RIN2: variants seen among roughly 807,000 people sequenced by gnomAD.
The protein encoded by RIN2 is RAB5 interacting protein 2.
Under a neutral mutation model 78.0 loss-of-function variants are expected in RIN2, and 36 were observed. The observed-to-expected ratio is 0.46, with a 90% CI of 0.35 to 0.61. The LOEUF (loss-of-function observed/expected upper bound fraction) is 0.61. RIN2 is among the 20% of genes least tolerant of loss of function. RIN2 has a pLI of 0.00. For synonymous variants in RIN2, 466 were observed against 466.8 expected, an observed-to-expected ratio of 1.00 and a Z score of 0.02; for missense variants, 1,087 against 1,159.7, an observed-to-expected ratio of 0.94 and a Z score of 0.91.
intron 2 of RIN2, among the ~76,000 whole-genome samples, chr20:19,808,339 G>A (rs1415797483): frequency 1.3e-5 from 2 of 152,202 alleles, no homozygotes; most frequent in African/African-American, 2.4e-5. Flanking sequence ...AGGAGTCAGG[G>A]GAAGGGGAGT....
intron 2 of RIN2, among the ~76,000 whole-genome samples, chr20:19,819,884 GT>G (rs1377554774): frequency 2.0e-5 from 3 of 152,142 alleles, no homozygotes; most frequent in Non-Finnish European, 4.4e-5. Flanking sequence ...TGAGTGATAA[GT>G]GATCAGAGAC....
At chr20:19,910,642 C>T (rs773360274) in intron 3 of RIN2, among the ~76,000 whole-genome samples, 10 of 150,106 alleles carry the variant, frequency 6.7e-5, no homozygotes, top group Non-Finnish European at 1.2e-4. Context: ...AGTCTCGGCT[C>T]ACTGCAGCCT....
chr20:19,869,262 C>G (rs1289045042), intron 2 of RIN2, among the ~76,000 whole-genome samples: 1 of 152,122 alleles, frequency 6.6e-6, no homozygotes, highest in African/African-American at 2.4e-5. Flanking sequence ...AGAGTTTGGA[C>G]TGATGTCAGG....
intron 7 of RIN2, among the ~76,000 whole-genome samples, chr20:19,967,637 A>C (rs1366050570): frequency 6.6e-6 from 1 of 152,156 alleles, no homozygotes; most frequent in Admixed American, 6.5e-5. Flanking sequence ...TTCACCCCCA[A>C]TGCCTGGCAA....
At chr20:19,882,789 GTTTT>G (rs1295454259) in intron 2 of RIN2, among the ~76,000 whole-genome samples, 1 of 151,932 alleles carries the variant, frequency 6.6e-6, no homozygotes, top group Admixed American at 6.6e-5. Context: ...GTATACACGG[GTTTT>G]TTTCAATAAA....
intron 3 of RIN2, among the ~76,000 whole-genome samples, chr20:19,923,474 A>AAAAT (rs1356822586): frequency 2.9e-4 from 32 of 108,510 alleles, no homozygotes; most frequent in African/African-American, 9.3e-4. Flanking sequence ...TAAAATAAAT[A>AAAAT]AAATAAAATA....
At chr20:19,952,777 GCA>G (rs2041371957) in intron 4 of RIN2, among the ~76,000 whole-genome samples, 1 of 152,144 alleles carries the variant, frequency 6.6e-6, no homozygotes, top group Non-Finnish European at 1.5e-5. Context: ...ACCTGAGATG[GCA>G]GTGATAAAAT....
chr20:19,996,866 C>T, intron 12 of RIN2, 24 bp downstream of exon 12: 1 of 1,549,732 alleles, frequency 6.5e-7, no homozygotes, highest in Non-Finnish European at 8.7e-7. Flanking sequence ...CACCCCTTTG[C>T]TTCCTTCGTC....
intron 9 of RIN2, among the ~76,000 whole-genome samples, chr20:19,982,873 G>A (rs1380591267): frequency 6.6e-6 from 1 of 152,180 alleles, no homozygotes; most frequent in Non-Finnish European, 1.5e-5. Context: ...CTTCTCCAGG[G>A]GGAGCAACTG....
intron 3 of RIN2, among the ~76,000 whole-genome samples, chr20:19,912,358 A>G (rs1276580782): frequency 6.6e-6 from 1 of 152,142 alleles, no homozygotes; most frequent in African/African-American, 2.4e-5. Flanking sequence ...TTACCAGGCC[A>G]GACCCCTCTC....
intron 5 of RIN2, among the ~76,000 whole-genome samples, chr20:19,958,791 C>T (rs796375171): frequency 6.6e-6 from 1 of 152,312 alleles, no homozygotes; most frequent in African/African-American, 2.4e-5. Context: ...ATTGCTTGAA[C>T]CCAGGAGGTG....
Position 19,956,689 on chromosome 20 carries a change from A to G in RIN2, c.233A>G (p.Asp78Gly), listed in dbSNP as rs1600939145. 6.2e-7 allele frequency: 1 copy of G among 1,612,454 alleles called. No individual in the cohort carries two copies. The highest frequency in any genetic ancestry group is 1.3e-5 in the African/African-American group (1 of 74,878). ...ACCTGTGCCCGGGACTCAGGCTATGACAGCCTCTCCAACAGGCTCAGCATC... is the reference window on the plus strand; with the variant it reads ...ACCTGTGCCCGGGACTCAGGCTATGGCAGCCTCTCCAACAGGCTCAGCATC... ...VKTCARDSGY[D>G]SLSNRLSILD... The change falls in exon 5 of 13, where the codon GAC (aspartate) becomes GGC (glycine). Residue 78 changes from aspartate (D) to glycine (G), a missense_variant. This residue lies in a region of RIN2 where 706 missense variants were observed against 667.5 expected (regional missense o/e 1.06). Transcript: ENST00000255006.
At chr20:19,842,387 C>CTTTT (rs139642869) in intron 2 of RIN2, among the ~76,000 whole-genome samples, 2,267 of 45,798 alleles carry the variant, frequency 0.05, 668 homozygotes, top group South Asian at 0.069. Context: ...CCATCCCTGG[C>CTTTT]TTTTTTTTTT....
intron 2 of RIN2, among the ~76,000 whole-genome samples, chr20:19,800,049 T>C (rs1258072523): frequency 3.9e-5 from 6 of 152,140 alleles, no homozygotes. Flanking sequence ...TTAAGCACTT[T>C]AATGGGTTAG....
At chr20:19,906,007 A>AACAC (rs1356884364) in intron 3 of RIN2, among the ~76,000 whole-genome samples, 1 of 152,084 alleles carries the variant, frequency 6.6e-6, no homozygotes, top group Non-Finnish European at 1.5e-5. Flanking sequence ...CAAACAAACA[A>AACAC]ACAAACACAT....
chr20:19,935,962 C>A (rs1181755920), intron 4 of RIN2, among the ~76,000 whole-genome samples: 1 of 152,232 alleles, frequency 6.6e-6, no homozygotes. Flanking sequence ...TGGGGCTGAG[C>A]CTGCCTGGAG....
chr20:19,799,784 A>T (rs2035183327), intron 2 of RIN2, 37 bp downstream of exon 2: 1 of 152,120 alleles, frequency 6.6e-6, no homozygotes, highest in African/African-American at 2.4e-5. Context: ...AGTGTGCGCC[A>T]CCCCAGCGTT....
At chr20:19,876,888 A>AGAGT in intron 2 of RIN2, among the ~76,000 whole-genome samples, 1 of 141,970 alleles carries the variant, frequency 7.0e-6, no homozygotes, top group Non-Finnish European at 1.5e-5. Context: ...CCTGGGCAAT[A>AGAGT]GAGACTCCAT....
intron 3 of RIN2, among the ~76,000 whole-genome samples, chr20:19,929,605 G>T (rs965561267): frequency 3.9e-5 from 6 of 152,074 alleles, no homozygotes; most frequent in Non-Finnish European, 7.4e-5. Flanking sequence ...CAAGTGAACC[G>T]CCCACCTCAG....
Sources: gnomAD v4.1 joint callset for allele counts (sites outside exome capture counted in the v4.1 genomes callset) on GRCh38, gnomAD v4.1.1 for gene constraint, gnomAD v4.1.1 regional missense constraint, MANE v1.5 for transcripts, NCBI Gene and HGNC (gene_info 2026-07-23, HGNC 2026-07-21) for gene names.